The following BMPR2 variants were observed in gnomAD, a reference collection of about 807,000 sequenced individuals.
The protein encoded by BMPR2 is bone morphogenetic protein receptor type-2.
BMPR2 carries 29 observed loss-of-function variants against 100.8 expected under a neutral mutation model. The ratio of observed to expected loss-of-function variants is 0.29; its 90% CI spans 0.21 to 0.39. BMPR2 has a LOEUF of 0.39. Ranked by LOEUF, BMPR2 falls within the 10% of genes least tolerant of loss-of-function variation. BMPR2 has a pLI of 1.00. For missense variants in BMPR2, 1,011 were observed against 1,274.5 expected (o/e 0.79, Z 3.15); for synonymous variants, 382 against 442.3 (o/e 0.86, Z 1.71).
At chr2:202,393,931 G>GAGAGAGAGAGAGAGAGAT (rs1367568037) in intron 1 of BMPR2, among the ~76,000 whole-genome samples, 3 of 123,858 alleles carry the variant, frequency 2.4e-5, no homozygotes, top group South Asian at 2.5e-4. Flanking sequence ...GAGAGAGAGA[G>GAGAGAGAGAGAGAGAGAT]AGATTCCTGT....
At position 202,559,847 on chromosome 2, in the gene BMPR2, C is replaced by T. The variant is rs372187927; in HGVS notation, c.3018C>T (p.Asn1006=). 6.2e-7 allele frequency: 1 copy of T among 1,614,124 alleles called. No individual in the cohort carries two copies. The highest frequency in any genetic ancestry group is 8.5e-7 in the Non-Finnish European group (1 of 1,180,022). ...LDCEVNNNGS[N]RAVHSKSSTA... ...GTGAAGTCAACAATAATGGCAGTAA[C>T]AGGGCAGTTCATTCCAAATCCAGCA... is the stretch of plus-strand genomic sequence containing the variant. Residue 1006 remains asparagine (N), a synonymous_variant, in exon 13 of 13, where the codon AAC becomes AAT. Transcript: ENST00000374580.
At chr2:202,481,134 T>C (rs1559051372) in intron 3 of BMPR2, among the ~76,000 whole-genome samples, 1 of 151,960 alleles carries the variant, frequency 6.6e-6, no homozygotes, top group Non-Finnish European at 1.5e-5. Flanking sequence ...AGCTGAGTTC[T>C]CCAACTTTGT....
At chr2:202,400,000 G>T (rs1341552454) in intron 1 of BMPR2, among the ~76,000 whole-genome samples, 1 of 152,116 alleles carries the variant, frequency 6.6e-6, no homozygotes, top group Admixed American at 6.6e-5. Context: ...ATTCACAGCT[G>T]CTCAGGAGCC....
At chr2:202,395,360 C>A (rs1368005369) in intron 1 of BMPR2, among the ~76,000 whole-genome samples, 1 of 152,144 alleles carries the variant, frequency 6.6e-6, no homozygotes, top group African/African-American at 2.4e-5. Context: ...ATGTGTGATT[C>A]ATTACCAGAA....
At chr2:202,472,016 T>G (rs35771804) in intron 3 of BMPR2, among the ~76,000 whole-genome samples, 18,074 of 152,118 alleles carry the variant, frequency 0.12, 1,188 homozygotes, top group Admixed American at 0.14. Context: ...GTATATGGTG[T>G]ATTCTTTGTA....
intron 1 of BMPR2, among the ~76,000 whole-genome samples, chr2:202,437,828 T>C (rs916881319): frequency 6.6e-6 from 1 of 150,812 alleles, no homozygotes; most frequent in Non-Finnish European, 1.5e-5. Flanking sequence ...AATAACATTC[T>C]ATTACGGATA....
intron 3 of BMPR2, among the ~76,000 whole-genome samples, chr2:202,501,708 T>G (rs372388768): frequency 6.6e-6 from 1 of 152,216 alleles, no homozygotes; most frequent in African/African-American, 2.4e-5. Flanking sequence ...AATGGCATAC[T>G]AGGTGCCAAA....
chr2:202,442,974 G>A lies in BMPR2; in HGVS notation c.77-21835G>A, dbSNP rs115549107. ...AAACCCTAACTCCCAGTGTGACTGG[G>A]TTTGTAGATAAGGCCTGTAAGGAGG... On this transcript the variant is annotated intron_variant, in intron 1 of 12. Coordinates refer to ENST00000374580, the MANE Select transcript of BMPR2 (RefSeq NM_001204.7). 1.6e-3 allele frequency among the ~76,000 whole-genome samples: 241 copies of A among 150,694 alleles called. 1 individual carries two copies. The highest frequency in any genetic ancestry group is 2.5e-3 in the Non-Finnish European group (167 of 68,030).
intron 1 of BMPR2, among the ~76,000 whole-genome samples, chr2:202,426,151 A>T (rs915897725): frequency 1.3e-5 from 2 of 152,214 alleles, no homozygotes; most frequent in African/African-American, 4.8e-5. Flanking sequence ...CTGTGGCCAG[A>T]AGTAACACTT....
chr2:202,492,091 A>G (rs906670880), intron 3 of BMPR2, among the ~76,000 whole-genome samples: 12 of 152,174 alleles, frequency 7.9e-5, no homozygotes, highest in Admixed American at 3.9e-4. Context: ...AGAAATAGGC[A>G]AAAAAACTCA....
In BMPR2 at chr2:202,467,593, A is replaced by G. The variant is rs766729194; in HGVS notation, c.322A>G (p.Ile108Val). 6.3e-7 allele frequency: 1 copy of G among 1,593,316 alleles called. No individual in the cohort carries two copies. The highest frequency in any genetic ancestry group is 1.1e-5 in the South Asian group (1 of 90,654). ...TGTAGTAACTACCACTCCTCCCTCAATTCAGAATGGAACATACCGTTTCTG... is the reference window on the plus strand; with the variant it reads ...TGTAGTAACTACCACTCCTCCCTCAGTTCAGAATGGAACATACCGTTTCTG... ...ECVVTTTPPS[I>V]QNGTYRFCCC... is the part of the protein sequence containing the mutation. The change falls in exon 3 of 13, where the codon ATT becomes GTT. Residue 108 changes from isoleucine to valine, a missense_variant. Physicochemically the swap from Ile to Val is conservative, Grantham distance 29. Transcript: ENST00000374580.
intron 1 of BMPR2, among the ~76,000 whole-genome samples, chr2:202,431,948 C>G (rs981962201): frequency 6.7e-6 from 1 of 150,322 alleles, no homozygotes; most frequent in African/African-American, 2.5e-5. Flanking sequence ...TTTAAAGTGA[C>G]CATTGTTAAG....
chr2:202,512,028 A>G (rs959080377), intron 3 of BMPR2, among the ~76,000 whole-genome samples: 9 of 152,026 alleles, frequency 5.9e-5, no homozygotes, highest in South Asian at 2.1e-4. Flanking sequence ...TAAAAAAAAA[A>G]AAAGAAAGAA....
At chr2:202,514,759 A>C in intron 4 of BMPR2, 129 bp from the exon 5 acceptor site, 1 of 746,520 alleles carries the variant, frequency 1.3e-6, no homozygotes, top group Non-Finnish European at 2.3e-6. Context: ...ACTCCTATTG[A>C]CATTAGGCAT....
At chr2:202,397,674 A>T (rs941512952) in intron 1 of BMPR2, among the ~76,000 whole-genome samples, 55 of 151,320 alleles carry the variant, frequency 3.6e-4, no homozygotes, top group African/African-American at 1.2e-3. Context: ...AATTTAAAAA[A>T]TTTTTTTTAG....
intron 1 of BMPR2, among the ~76,000 whole-genome samples, chr2:202,412,609 G>A (rs554892308): frequency 2.0e-5 from 3 of 152,222 alleles, no homozygotes; most frequent in South Asian, 2.1e-4. Context: ...GTGAGCCACC[G>A]TGCCCGGCCG....
rs1056035636 is a variant in BMPR2 at position 202,393,419 on chromosome 2, G to A, written c.76+15869G>A. ...TCTATACTGGAGTAGGCTCCAAAACGGTGTACGATTCTTTGACTGTGACCT... is the reference window on the plus strand; with the variant it reads ...TCTATACTGGAGTAGGCTCCAAAACAGTGTACGATTCTTTGACTGTGACCT... On this transcript the variant is annotated intron_variant, in intron 1 of 12. Coordinates refer to ENST00000374580, the MANE Select transcript of BMPR2 (RefSeq NM_001204.7). Among the ~76,000 whole-genome samples the A allele has an allele frequency of 3.3e-5, 5 of 152,036 alleles. No homozygotes were observed. The South Asian group carries it at 8.3e-4, about 25-fold the overall frequency.
chr2:202,556,332 C>T lies in BMPR2; in HGVS notation c.2667C>T (p.Asp889=), dbSNP rs759307708. Residue 889 remains aspartate, a synonymous_variant, in exon 12 of 13, where the codon GAC becomes GAT. Transcript: ENST00000374580. ...AAGGTGTTCTGGATCGTCTTGTGGA[C>T]AGGAGGGAACGGCCACTAGAAGGTG... ...HDEGVLDRLV[D]RRERPLEGGR... The T allele has an allele frequency of 5.6e-6, 9 of 1,614,206 alleles. No homozygotes were observed. Among genetic ancestry groups the T allele is most frequent in the South Asian group, 1.1e-5 (1 of 91,070 alleles).
intron 1 of BMPR2, among the ~76,000 whole-genome samples, chr2:202,454,749 C>G (rs1159294564): frequency 6.6e-6 from 1 of 152,180 alleles, no homozygotes; most frequent in Non-Finnish European, 1.5e-5. Context: ...TTTATATAAA[C>G]TCTCTAGAGC....
Sources: gnomAD v4.1 joint callset for allele counts (sites outside exome capture counted in the v4.1 genomes callset) on GRCh38, gnomAD v4.1.1 for gene constraint, MANE v1.5 for transcripts, NCBI Gene and HGNC (gene_info 2026-07-23, HGNC 2026-07-21) for gene names.